Variants in TAFA1 observed in about 807,000 individuals in gnomAD.
TAFA1 encodes the protein chemokine-like protein TAFA-1.
A neutral mutation model predicts 18.5 loss-of-function variants in TAFA1; 4 were observed. The observed-to-expected ratio is 0.22, with a 90% CI of 0.11 to 0.49. TAFA1 has a LOEUF of 0.49. Ranked by LOEUF, TAFA1 falls within the 20% of genes least tolerant of loss-of-function variation. TAFA1 has a pLI of 0.98. For missense variants in TAFA1, 147 were observed against 169.0 expected (o/e 0.87, Z 0.72); for synonymous variants, 56 against 55.2 (o/e 1.01, Z -0.06).
At chr3:68,067,448 C>T (rs141277030) in intron 2 of TAFA1, among the ~76,000 whole-genome samples, 175 of 152,162 alleles carry the variant, frequency 1.2e-3, no homozygotes, top group African/African-American at 3.9e-3. Context: ...CTTTTTCCTC[C>T]AGGAGTGGAG....
rs576354789 is a variant in TAFA1 at position 68,240,693 on chromosome 3, A to G, written c.119-176587A>G. Among the ~76,000 whole-genome samples, 12 of 152,328 alleles carry G rather than the reference A, an allele frequency of 7.9e-5. No homozygotes were observed. In the South Asian group the frequency reaches 2.5e-3, roughly 32 times the overall value. ...TCTCCTTTGGAAAGACACAGAGTGG[A>G]CAGGGAGGAAGGACAGAGGAATCTT... is the stretch of plus-strand genomic sequence containing the variant. On this transcript the variant is annotated intron_variant, in intron 2 of 4. Transcript: ENST00000478136.
At chr3:68,093,036 C>T (rs1207811834) in intron 2 of TAFA1, among the ~76,000 whole-genome samples, 1 of 152,112 alleles carries the variant, frequency 6.6e-6, no homozygotes, top group East Asian at 1.9e-4. Flanking sequence ...AAATGAAATT[C>T]ACTTTATGTA....
chr3:68,216,249 A>C (rs150304346), intron 2 of TAFA1, among the ~76,000 whole-genome samples: 2 of 152,110 alleles, frequency 1.3e-5, no homozygotes, highest in East Asian at 3.9e-4. Flanking sequence ...ATATGACAAA[A>C]CGCATTTGTC....
intron 2 of TAFA1, among the ~76,000 whole-genome samples, chr3:68,182,820 T>G (rs963250648): frequency 6.6e-6 from 1 of 152,210 alleles, no homozygotes; most frequent in African/African-American, 2.4e-5. Flanking sequence ...TAGTTTATTA[T>G]TTAGTGATAA....
intron 2 of TAFA1, among the ~76,000 whole-genome samples, chr3:68,372,197 G>A (rs148414848): frequency 1.3e-5 from 2 of 152,290 alleles, no homozygotes; most frequent in East Asian, 1.9e-4. Context: ...ATAGACATTA[G>A]TAGTTACTGG....
At chr3:68,477,410 T>G (rs907339868) in intron 3 of TAFA1, among the ~76,000 whole-genome samples, 1 of 152,210 alleles carries the variant, frequency 6.6e-6, no homozygotes, top group Non-Finnish European at 1.5e-5. Context: ...GTTTTGCTTT[T>G]GTCGCCCAGG....
chr3:68,082,353 C>T (rs1020788768), intron 2 of TAFA1, among the ~76,000 whole-genome samples: 1 of 152,128 alleles, frequency 6.6e-6, no homozygotes, highest in Non-Finnish European at 1.5e-5. Flanking sequence ...TTCCTACTTC[C>T]TAATTAATTT....
chr3:68,083,793 TA>T (rs1333971555), intron 2 of TAFA1, among the ~76,000 whole-genome samples: 3 of 152,166 alleles, frequency 2.0e-5, no homozygotes, highest in Non-Finnish European at 4.4e-5. Flanking sequence ...TCAGCCTTGA[TA>T]TTTTTTTTTT....
At chr3:68,262,968 G>C (rs1217519585) in intron 2 of TAFA1, among the ~76,000 whole-genome samples, 4 of 152,160 alleles carry the variant, frequency 2.6e-5, no homozygotes, top group Non-Finnish European at 5.9e-5. Flanking sequence ...CATTGACACT[G>C]CTTATTTGAG....
chr3:68,307,481 A>G (rs1243271593), intron 2 of TAFA1, among the ~76,000 whole-genome samples: 1 of 152,222 alleles, frequency 6.6e-6, no homozygotes, highest in Non-Finnish European at 1.5e-5. Flanking sequence ...AGTAACATCT[A>G]CATTCAGCAG....
At chr3:68,195,480 C>T (rs1323937560) in intron 2 of TAFA1, among the ~76,000 whole-genome samples, 4 of 150,862 alleles carry the variant, frequency 2.7e-5, no homozygotes, top group Non-Finnish European at 5.9e-5. Context: ...TACCTCTAGA[C>T]CACTGGTTCT....
intron 2 of TAFA1, among the ~76,000 whole-genome samples, chr3:68,315,414 T>G (rs2068591622): frequency 6.6e-6 from 1 of 152,112 alleles, no homozygotes. Flanking sequence ...TGTTAATGGC[T>G]TTGCTGGGGC....
chr3:68,081,906 C>G (rs1426327915), intron 2 of TAFA1, among the ~76,000 whole-genome samples: 1 of 152,218 alleles, frequency 6.6e-6, no homozygotes, highest in Non-Finnish European at 1.5e-5. Flanking sequence ...GCGCCCCTCT[C>G]CCAGCCTCGC....
intron 2 of TAFA1, among the ~76,000 whole-genome samples, chr3:68,198,309 A>G (rs1320735866): frequency 6.6e-6 from 1 of 151,672 alleles, no homozygotes; most frequent in Non-Finnish European, 1.5e-5. Flanking sequence ...AAATTTTGGT[A>G]ATTATGAATA....
At chr3:68,174,234 A>T (rs1235618205) in intron 2 of TAFA1, among the ~76,000 whole-genome samples, 1 of 152,210 alleles carries the variant, frequency 6.6e-6, no homozygotes, top group Non-Finnish European at 1.5e-5. Context: ...ATTGTGGTCC[A>T]TCGCAATAGA....
intron 2 of TAFA1, among the ~76,000 whole-genome samples, chr3:68,377,426 A>G (rs1184570286): frequency 6.6e-6 from 1 of 152,192 alleles, no homozygotes; most frequent in Non-Finnish European, 1.5e-5. Context: ...TAGCAAAAAG[A>G]CTGGCAGCAT....
At chr3:68,292,265 A>G (rs1167833385) in intron 2 of TAFA1, among the ~76,000 whole-genome samples, 1 of 151,896 alleles carries the variant, frequency 6.6e-6, no homozygotes, top group Non-Finnish European at 1.5e-5. Flanking sequence ...CTTTTCCCAG[A>G]CCATCTTCTT....
At chr3:68,172,767 C>G (rs1308983115) in intron 2 of TAFA1, among the ~76,000 whole-genome samples, 3 of 151,818 alleles carry the variant, frequency 2.0e-5, no homozygotes, top group Non-Finnish European at 2.9e-5. Flanking sequence ...AGGCAGTCAC[C>G]AAAGGGCGCA....
At chr3:68,388,581 G>A (rs1324157529) in intron 2 of TAFA1, among the ~76,000 whole-genome samples, 1 of 151,778 alleles carries the variant, frequency 6.6e-6, no homozygotes, top group Non-Finnish European at 1.5e-5. Flanking sequence ...CTAACCACCA[G>A]CATCCTTTTT....
Sources: gnomAD v4.1 joint callset for allele counts (sites outside exome capture counted in the v4.1 genomes callset) on GRCh38, gnomAD v4.1.1 for gene constraint, MANE v1.5 for transcripts, NCBI Gene and HGNC (gene_info 2026-07-23, HGNC 2026-07-21) for gene names.